The following NOA1 variants were observed in gnomAD, a reference collection of about 807,000 sequenced individuals.
NOA1 encodes the protein nitric oxide associated 1.
Under a neutral mutation model 58.4 loss-of-function variants are expected in NOA1, and 35 were observed. That is an observed-to-expected ratio of 0.60 (90% confidence interval 0.46 to 0.79). The LOEUF is 0.79. Ranked by LOEUF, NOA1 falls within the 30% of genes least tolerant of loss-of-function variation. NOA1 has a pLI of 0.00. For missense variants in NOA1, 895 were observed against 894.6 expected (o/e 1.00, Z -0.01); for synonymous variants, 397 against 373.4 (o/e 1.06, Z -0.73).
Position 56,963,542 on chromosome 4 carries a change from G to A in NOA1, c.2005C>T (p.Gln669Ter). ...TAGGCCACACTTTTCTTGATGCGCT[G>A]TCCTTTGATGTTAACAATATATGGC... ...LLPYIVNIKG[Q>*]RIKKSVAYKT... The change falls in exon 7 of 7, where the codon CAG (glutamine) becomes TAG (stop). Residue 669 changes from glutamine (Q) to a stop codon, truncating the protein, a stop_gained. Coordinates refer to ENST00000264230, the MANE Select transcript of NOA1 (RefSeq NM_032313.4). LOFTEE classifies it high-confidence loss of function. 2 of 1,614,038 alleles carry A rather than the reference G, an allele frequency of 1.2e-6. No homozygotes were observed. The highest frequency in any genetic ancestry group is 1.7e-6 in the Non-Finnish European group (2 of 1,180,008).
intron 3 of NOA1, among the ~76,000 whole-genome samples, chr4:56,970,614 C>T (rs1335185019): frequency 3.3e-5 from 5 of 151,918 alleles, no homozygotes; most frequent in Admixed American, 6.6e-5. Context: ...GCATGTACCA[C>T]CATGCCCAGC....
Position 56,976,676 on chromosome 4 carries a change from T to C in NOA1, c.910A>G (p.Asn304Asp). Residue 304 changes from asparagine to aspartate, a missense_variant, in exon 1 of 7, where the codon AAC becomes GAC. By Grantham distance (23) the Asn-to-Asp change is conservative. Coordinates refer to ENST00000264230, the MANE Select transcript of NOA1 (RefSeq NM_032313.4). ...TCCCTGACCACTGTGCGGGACCAGT[T>C]CGGCGGATTCGGATTCTCCCCGTCC... ...PQDGENPNPP[N>D]WSRTVVRDVR... The C allele has an allele frequency of 6.2e-7, 1 of 1,613,684 alleles. No individual in the cohort carries two copies. Among genetic ancestry groups the C allele is most frequent in the Non-Finnish European group, 8.5e-7 (1 of 1,179,658 alleles).
chr4:56,971,552 G>C (rs887370180), intron 3 of NOA1, among the ~76,000 whole-genome samples: 2 of 152,034 alleles, frequency 1.3e-5, no homozygotes. Context: ...TTCCTGATGA[G>C]GCCAAGAAAA....
At chr4:56,966,199 G>A (rs1201148903) in intron 5 of NOA1, among the ~76,000 whole-genome samples, 4 of 151,842 alleles carry the variant, frequency 2.6e-5, no homozygotes, top group Non-Finnish European at 5.9e-5. Context: ...GCTAATTTTT[G>A]TATTTTTAGT....
At chr4:56,973,832 A>T in intron 2 of NOA1, 26 bp downstream of exon 2, 1 of 1,610,296 alleles carries the variant, frequency 6.2e-7, no homozygotes, top group Non-Finnish European at 8.5e-7. Context: ...AGTACCAACG[A>T]GGGTTTTCCC....
chr4:56,963,986 T>C (rs1039074461), intron 6 of NOA1, among the ~76,000 whole-genome samples: 1 of 152,140 alleles, frequency 6.6e-6, no homozygotes, highest in African/African-American at 2.4e-5. Context: ...TAAACTAGTA[T>C]GTACACCTTA....
Position 56,976,462 on chromosome 4 carries a change from G to A in NOA1, c.1124C>T (p.Ala375Val). 1 of 1,613,372 alleles carries A rather than the reference G, an allele frequency of 6.2e-7. No homozygotes were observed. The highest frequency in any genetic ancestry group is 8.5e-7 in the Non-Finnish European group (1 of 1,179,310). ...TAKGSEAIDR[A>V]TISPWPGTTL... ...CTCACCTGGCCAAGGGGAGATGGTG[G>A]CTCTGTCGATGGCCTCGGAGCCCTT... Residue 375 changes from alanine to valine, a missense_variant, in exon 1 of 7, where the codon GCC becomes GTC. Physicochemically the swap from Ala to Val is moderately conservative, Grantham distance 64. Around this residue, in one of 3 missense-constraint regions of NOA1, gnomAD observed 680 missense variants for 656.5 expected, o/e 1.04. Coordinates refer to ENST00000264230, the MANE Select transcript of NOA1 (RefSeq NM_032313.4).
chr4:56,974,574 C>T (rs926042599), intron 1 of NOA1, among the ~76,000 whole-genome samples: 1 of 150,430 alleles, frequency 6.6e-6, no homozygotes, highest in African/African-American at 2.4e-5. Flanking sequence ...ATCGCTTGAA[C>T]CTGGGAGGTG....
At chr4:56,965,064 A>G (rs901781994) in intron 5 of NOA1, among the ~76,000 whole-genome samples, 2 of 151,584 alleles carry the variant, frequency 1.3e-5, no homozygotes, top group African/African-American at 2.4e-5. Context: ...TAATGGCACG[A>G]TATCAGCTCA....
chr4:56,975,603 C>T (rs957344277), intron 1 of NOA1, among the ~76,000 whole-genome samples: 2 of 148,616 alleles, frequency 1.3e-5, no homozygotes, highest in Non-Finnish European at 3.0e-5. Context: ...TTAGGCCAAG[C>T]GCGGTGGCTC....
chr4:56,964,436 C>T lies in NOA1; in HGVS notation c.1855G>A (p.Ala619Thr). ...MLKEGLGASE[A>T]VADIKFSSAG... ...GAGGAAAACTTGATGTCGGCCACTG[C>T]TTCAGATGCCCCCAGTCCTTCTTTT... is the stretch of plus-strand genomic sequence containing the variant. The change falls in exon 6 of 7, where the codon GCA (alanine) becomes ACA (threonine). Residue 619 changes from alanine (A) to threonine (T), a missense_variant. Transcript: ENST00000264230. The T allele has an allele frequency of 6.2e-7, 1 of 1,614,152 alleles. No individual in the cohort carries two copies. The highest frequency in any genetic ancestry group is 2.2e-5 in the East Asian group (1 of 44,884).
chr4:56,973,182 A>G lies in NOA1; in HGVS notation c.1481T>C (p.Phe494Ser). 3 of 1,614,126 alleles carry G rather than the reference A, an allele frequency of 1.9e-6. No individual in the cohort carries two copies. The highest frequency in any genetic ancestry group is 2.5e-6 in the Non-Finnish European group (3 of 1,180,030). Residue 494 changes from phenylalanine to serine, a missense_variant, in exon 3 of 7, where the codon TTT (phenylalanine) becomes TCT (serine). Physicochemically the swap from Phe to Ser is radical, Grantham distance 155. This residue lies in a region of NOA1 where 680 missense variants were observed against 656.5 expected (regional missense o/e 1.04). Coordinates refer to ENST00000264230, the MANE Select transcript of NOA1 (RefSeq NM_032313.4). ...TTTTGTAATTCCAGGGGTGTCATAAAACCAGTGGGCATCTTTCACATCTTG... is the reference window on the plus strand; with the variant it reads ...TTTTGTAATTCCAGGGGTGTCATAAGACCAGTGGGCATCTTTCACATCTTG... ...TAQDVKDAHW[F>S]YDTPGITKEN...
chr4:56,973,134 A>G lies in NOA1; in HGVS notation c.1515+14T>C, dbSNP rs762123465. 3.1e-6 allele frequency: 5 copies of G among 1,611,600 alleles called. No homozygotes were observed. In the South Asian group the frequency reaches 5.5e-5, roughly 18 times the overall value. ...AAAGAAAGTAAATGTTTCTAAAAGA[A>G]ACCAAATACATACACAATTTTCTTT... On this transcript the variant is annotated intron_variant, in intron 3 of 6. Coordinates refer to ENST00000264230, the MANE Select transcript of NOA1 (RefSeq NM_032313.4).
At chr4:56,966,018 C>CTTTTT (rs57382498) in intron 5 of NOA1, among the ~76,000 whole-genome samples, 21 of 88,540 alleles carry the variant, frequency 2.4e-4, no homozygotes, top group Non-Finnish European at 2.9e-4. Context: ...AGCAAATTTT[C>CTTTTT]TTTTTTTTTT....
In NOA1 at chr4:56,964,390, C is replaced by T; in HGVS notation, c.1885+16G>A. The T allele has an allele frequency of 1.2e-6, 2 of 1,613,696 alleles. No individual in the cohort carries two copies. The highest frequency in any genetic ancestry group is 1.1e-5 in the South Asian group (1 of 91,038). On this transcript the variant is annotated intron_variant, in intron 6 of 6. Transcript: ENST00000264230. ...CCTTTTATTCACTTTTTAAAAAGTG[C>T]TTGGCATAAAATTACCTGCAGAGGA...
chr4:56,973,871 A>C lies in NOA1; in HGVS notation c.1296T>G (p.His432Gln), dbSNP rs569338979. The part of the protein sequence containing the change: ...EQNQLNVLKK[H>Q]GYVVGRVGRT... ...GAGGATGCTTACCTACGACATAACC[A>C]TGCTTTTTGAGGACATTAAGCTGAT... The change falls in exon 2 of 7, where the codon CAT becomes CAG. Residue 432 changes from histidine to glutamine, a missense_variant. Coordinates refer to ENST00000264230, the MANE Select transcript of NOA1 (RefSeq NM_032313.4). 6.2e-7 allele frequency: 1 copy of C among 1,614,152 alleles called. No individual in the cohort carries two copies. The highest frequency in any genetic ancestry group is 2.2e-5 in the East Asian group (1 of 44,876).
chr4:56,971,035 G>C (rs923793973), intron 3 of NOA1, among the ~76,000 whole-genome samples: 5 of 152,136 alleles, frequency 3.3e-5, no homozygotes, highest in Admixed American at 6.6e-5. Flanking sequence ...GAATTAGTCT[G>C]GGCGTAGTGG....
intron 3 of NOA1, among the ~76,000 whole-genome samples, chr4:56,972,351 C>T (rs149352299): frequency 6.6e-6 from 1 of 152,202 alleles, no homozygotes; most frequent in African/African-American, 2.4e-5. Context: ...AGATTGTGGG[C>T]ACAGTGAATG....
chr4:56,968,553 T>C (rs758090042), intron 3 of NOA1, 38 bp from the exon 4 acceptor site: 4 of 1,451,574 alleles, frequency 2.8e-6, no homozygotes, highest in South Asian at 1.2e-5. Context: ...AAAATACTTT[T>C]ATTGAAAATA....
Sources: gnomAD v4.1 joint callset for allele counts (sites outside exome capture counted in the v4.1 genomes callset) on GRCh38, gnomAD v4.1.1 for gene constraint, gnomAD v4.1.1 regional missense constraint, MANE v1.5 for transcripts, NCBI Gene and HGNC (gene_info 2026-07-23, HGNC 2026-07-21) for gene names.